The following STXBP5 variants were observed in gnomAD, a reference collection of about 807,000 sequenced individuals.
The protein encoded by STXBP5 is syntaxin-binding protein 5.
A neutral mutation model predicts 152.4 loss-of-function variants in STXBP5; 50 were observed. The observed-to-expected ratio is 0.33, with a 90% CI of 0.26 to 0.42. The LOEUF (loss-of-function observed/expected upper bound fraction) is 0.42. STXBP5 is among the 10% of genes least tolerant of loss of function. STXBP5 has a pLI of 1.00. For synonymous variants in STXBP5, 492 were observed against 494.7 expected, an observed-to-expected ratio of 0.99 and a Z score of 0.07; for missense variants, 1,167 against 1,388.6, an observed-to-expected ratio of 0.84 and a Z score of 2.54.
At chr6:147,218,125 G>A (rs1033925068) in intron 2 of STXBP5, among the ~76,000 whole-genome samples, 2 of 152,128 alleles carry the variant, frequency 1.3e-5, no homozygotes, top group Non-Finnish European at 2.9e-5. Context: ...CTCCCTGCCT[G>A]TCCCAAAACA....
intron 25 of STXBP5, among the ~76,000 whole-genome samples, chr6:147,367,629 T>C (rs4896908): frequency 0.6 from 90,634 of 151,822 alleles, 27,386 homozygotes; most frequent in African/African-American, 0.65. Context: ...CAAAGCGAGA[T>C]TCTGTCTCAA....
chr6:147,227,113 T>C (rs1777757890), intron 2 of STXBP5, among the ~76,000 whole-genome samples: 1 of 152,138 alleles, frequency 6.6e-6, no homozygotes, highest in African/African-American at 2.4e-5. Context: ...AAAACAAGGC[T>C]CTCCTGTTGT....
chr6:147,314,110 A>T, intron 12 of STXBP5, 79 bp downstream of exon 12: 6 of 1,503,844 alleles, frequency 4.0e-6, no homozygotes, highest in Non-Finnish European at 5.4e-6. Flanking sequence ...ATTTGATAAC[A>T]TTATACCTTT....
chr6:147,232,187 TAACTTGAAA>T (rs918622701), intron 2 of STXBP5, among the ~76,000 whole-genome samples: 7 of 151,848 alleles, frequency 4.6e-5, no homozygotes, highest in African/African-American at 1.7e-4. Flanking sequence ...GCATATGAAC[TAACTTGAAA>T]ATAGAGGTCT....
intron 4 of STXBP5, among the ~76,000 whole-genome samples, chr6:147,249,907 TC>T (rs1189976591): frequency 6.6e-6 from 1 of 152,178 alleles, no homozygotes; most frequent in Non-Finnish European, 1.5e-5. Flanking sequence ...AAAAGTATCA[TC>T]CCACAGGCAT....
intron 26 of STXBP5, among the ~76,000 whole-genome samples, chr6:147,380,533 A>G (rs1234224965): frequency 1.3e-5 from 2 of 152,010 alleles, no homozygotes; most frequent in African/African-American, 4.8e-5. Context: ...AAAGACCTCA[A>G]TATAAGAGCT....
intron 9 of STXBP5, among the ~76,000 whole-genome samples, chr6:147,301,297 G>T (rs1781803158): frequency 1.3e-5 from 2 of 152,100 alleles, no homozygotes; most frequent in African/African-American, 4.8e-5. Flanking sequence ...ATTACTTTAT[G>T]CATATCTGAG....
At chr6:147,219,614 A>T (rs1056036029) in intron 2 of STXBP5, among the ~76,000 whole-genome samples, 1 of 151,986 alleles carries the variant, frequency 6.6e-6, no homozygotes, top group African/African-American at 2.4e-5. Context: ...GTTTTGGTAG[A>T]TTGTATTTTT....
At chr6:147,275,610 T>C (rs1319985260) in intron 7 of STXBP5, among the ~76,000 whole-genome samples, 1 of 135,366 alleles carries the variant, frequency 7.4e-6, no homozygotes, top group East Asian at 2.2e-4. Context: ...CAGGCTGGAG[T>C]GCAGTGGCAC....
intron 7 of STXBP5, among the ~76,000 whole-genome samples, chr6:147,269,275 G>A (rs1373866575): frequency 6.6e-6 from 1 of 152,158 alleles, no homozygotes; most frequent in Non-Finnish European, 1.5e-5. Context: ...TGTTGTTGCA[G>A]TGGTGGAACT....
intron 2 of STXBP5, among the ~76,000 whole-genome samples, chr6:147,222,494 T>G (rs1308027950): frequency 1.3e-5 from 2 of 152,130 alleles, no homozygotes; most frequent in Non-Finnish European, 2.9e-5. Context: ...CCACACTTCC[T>G]CCCACTCCCT....
At chr6:147,338,219 G>A (rs965953508) in intron 19 of STXBP5, among the ~76,000 whole-genome samples, 2 of 152,108 alleles carry the variant, frequency 1.3e-5, no homozygotes, top group Non-Finnish European at 1.5e-5. Context: ...TGAATCAAAT[G>A]TGGGCCCTGC....
At chr6:147,329,616 G>GTTTT (rs1783452402) in intron 18 of STXBP5, among the ~76,000 whole-genome samples, 2 of 48,222 alleles carry the variant, frequency 4.1e-5, no homozygotes, top group African/African-American at 1.8e-4. Flanking sequence ...TGTTCTTCAG[G>GTTTT]CTTTTTTTTT....
At chr6:147,292,920 G>A (rs913465477) in intron 9 of STXBP5, 1 of 152,082 alleles carries the variant, frequency 6.6e-6, no homozygotes, top group African/African-American at 2.4e-5. Context: ...TTGCTCTTTT[G>A]TAGGCATTTG....
intron 9 of STXBP5, among the ~76,000 whole-genome samples, chr6:147,296,704 A>G (rs1269292517): frequency 1.3e-5 from 2 of 152,314 alleles, no homozygotes; most frequent in South Asian, 4.1e-4. Flanking sequence ...ACTCAGCAAG[A>G]TACAAGAGAA....
intron 8 of STXBP5, among the ~76,000 whole-genome samples, chr6:147,287,019 A>T (rs189157943): frequency 2.5e-3 from 378 of 150,516 alleles, no homozygotes; most frequent in African/African-American, 9.0e-3. Context: ...AAAATTTTTT[A>T]AAATTTTTGT....
At chr6:147,342,428 TA>T (rs1460084064) in intron 21 of STXBP5, among the ~76,000 whole-genome samples, 1 of 152,120 alleles carries the variant, frequency 6.6e-6, no homozygotes, top group Non-Finnish European at 1.5e-5. Flanking sequence ...GAGCAGCCTA[TA>T]AAAAAATAGT....
intron 4 of STXBP5, among the ~76,000 whole-genome samples, chr6:147,260,111 T>C (rs896822816): frequency 6.6e-6 from 1 of 152,172 alleles, no homozygotes; most frequent in Non-Finnish European, 1.5e-5. Context: ...CTGATAGAGA[T>C]ACAAAAGTAT....
intron 23 of STXBP5, among the ~76,000 whole-genome samples, chr6:147,362,952 T>G (rs1329551427): frequency 6.6e-6 from 1 of 152,260 alleles, no homozygotes; most frequent in Non-Finnish European, 1.5e-5. Context: ...GGCCCCACAC[T>G]GACTGCTCCA....
Sources: gnomAD v4.1 joint callset for allele counts (sites outside exome capture counted in the v4.1 genomes callset) on GRCh38, gnomAD v4.1.1 for gene constraint, MANE v1.5 for transcripts, NCBI Gene and HGNC (gene_info 2026-07-23, HGNC 2026-07-21) for gene names.